ZNF385D: variants seen among roughly 807,000 people sequenced by gnomAD.
ZNF385D encodes zinc finger protein 385D.
ZNF385D carries 15 observed loss-of-function variants against 35.8 expected under a neutral mutation model. The observed-to-expected ratio is 0.42, with a 90% CI of 0.28 to 0.64. ZNF385D has a LOEUF of 0.64. Among genes scored for constraint, ZNF385D ranks in the 30% least tolerant of loss-of-function variants. The pLI is 0.23. For synonymous variants in ZNF385D, 212 were observed against 186.8 expected, an observed-to-expected ratio of 1.13 and a Z score of -1.10; for missense variants, 474 against 494.6, an observed-to-expected ratio of 0.96 and a Z score of 0.39.
chr3:21,815,547 A>T (rs951928728), intron 3 of ZNF385D, among the ~76,000 whole-genome samples: 38 of 152,328 alleles, frequency 2.5e-4, no homozygotes, highest in Admixed American at 2.4e-3. Context: ...GAATACTATA[A>T]ACACCTCTCC....
intron 2 of ZNF385D, among the ~76,000 whole-genome samples, chr3:22,323,555 A>C (rs1175602603): frequency 6.6e-6 from 1 of 152,224 alleles, no homozygotes. Context: ...GAAAGGCTAA[A>C]GGGGAATTTA....
At chr3:21,610,715 C>T (rs2125788297) in intron 2 of ZNF385D, among the ~76,000 whole-genome samples, 1 of 151,518 alleles carries the variant, frequency 6.6e-6, no homozygotes, top group East Asian at 2.0e-4. Context: ...GCGGGGCTTG[C>T]AGTGAGCCGA....
chr3:21,665,055 A>G (rs2066363215), intron 1 of ZNF385D, 27 bp from the exon 2 acceptor site: 1 of 1,561,430 alleles, frequency 6.4e-7, no homozygotes, highest in South Asian at 1.2e-5. Context: ...AAAGGGAGCA[A>G]TCAGGGACAC....
chr3:22,260,885 T>G (rs1241649268), intron 2 of ZNF385D, among the ~76,000 whole-genome samples: 1 of 152,070 alleles, frequency 6.6e-6, no homozygotes, highest in Admixed American at 6.6e-5. Flanking sequence ...TGGTAACAGT[T>G]TTAGTAGAAC....
At chr3:21,621,855 C>T (rs1159558683) in intron 2 of ZNF385D, among the ~76,000 whole-genome samples, 1 of 131,836 alleles carries the variant, frequency 7.6e-6, no homozygotes, top group Non-Finnish European at 1.6e-5. Context: ...TTCCTTCCAA[C>T]CTGTTACCAC....
At chr3:22,050,797 A>G (rs1359328266) in intron 3 of ZNF385D, among the ~76,000 whole-genome samples, 5 of 152,352 alleles carry the variant, frequency 3.3e-5, no homozygotes, top group African/African-American at 1.2e-4. Flanking sequence ...AAACTAAACA[A>G]TCAAAAATAA....
At chr3:22,167,008 T>A (rs1428114806) in intron 3 of ZNF385D, among the ~76,000 whole-genome samples, 1 of 152,238 alleles carries the variant, frequency 6.6e-6, no homozygotes, top group Non-Finnish European at 1.5e-5. Flanking sequence ...GAAATATACA[T>A]TTTAAAATCA....
At chr3:22,122,847 A>G (rs1304202919) in intron 3 of ZNF385D, among the ~76,000 whole-genome samples, 1 of 152,210 alleles carries the variant, frequency 6.6e-6, no homozygotes, top group Non-Finnish European at 1.5e-5. Flanking sequence ...GCCCTGATGT[A>G]GAAATCAAGC....
rs559161479 is a variant in ZNF385D, at chr3:22,017,823, T to C, written c.325+150994A>G. On this transcript the variant is annotated intron_variant, in intron 3 of 5. Transcript: ENST00000494108. ...ATTATTTTATATTTTAAGCTGTCTATACATATTTGGATCTATTAATATGTT... is the reference window on the plus strand; with the variant it reads ...ATTATTTTATATTTTAAGCTGTCTACACATATTTGGATCTATTAATATGTT... 1.2e-4 allele frequency among the ~76,000 whole-genome samples: 18 copies of C among 152,096 alleles called. No individual in the cohort carries two copies. The South Asian group carries it at 1.7e-3, about 14-fold the overall frequency.
intron 3 of ZNF385D, among the ~76,000 whole-genome samples, chr3:21,962,342 G>T (rs1166241556): frequency 6.6e-6 from 1 of 152,036 alleles, no homozygotes; most frequent in Non-Finnish European, 1.5e-5. Flanking sequence ...GAAACAACAG[G>T]GGATGGCAGA....
chr3:22,352,821 G>A (rs1162290122), intron 2 of ZNF385D, among the ~76,000 whole-genome samples: 1 of 152,098 alleles, frequency 6.6e-6, no homozygotes, highest in East Asian at 1.9e-4. Context: ...TTAGATAGCA[G>A]GTTCCTATCA....
Position 21,608,012 on chromosome 3 carries a change from C to CTTCTTTTT in ZNF385D, c.166-43329_166-43328insAAAAAGAA, listed in dbSNP as rs2064536095. Among the ~76,000 whole-genome samples the CTTCTTTTT allele has an allele frequency of 1.6e-4, 20 of 123,972 alleles. 1 individual carries two copies. Among genetic ancestry groups the CTTCTTTTT allele is most frequent in the African/African-American group, 5.6e-4 (18 of 32,004 alleles). 81.3% of individuals were successfully genotyped at this position (123,972 alleles called of 152,430 possible). A position where few individuals can be genotyped will look rare whatever the true frequency, so the allele number is the denominator to read the frequency against. ...ATGAAAAGATGTAATTCTTTTTCTT[C>CTTCTTTTT]TTTTTTTTTTGTTTTTTTTTTTTGA... is the stretch of plus-strand genomic sequence containing the variant. On this transcript the variant is annotated intron_variant, in intron 2 of 7. Transcript: ENST00000281523.
At chr3:21,483,028 T>G (rs543287377) in intron 4 of ZNF385D, among the ~76,000 whole-genome samples, 1 of 152,304 alleles carries the variant, frequency 6.6e-6, no homozygotes, top group South Asian at 2.1e-4. Context: ...ACATGTAATC[T>G]TGTTTAAATA....
At chr3:22,351,685 G>A (rs1212334233) in intron 2 of ZNF385D, among the ~76,000 whole-genome samples, 1 of 152,084 alleles carries the variant, frequency 6.6e-6, no homozygotes, top group Non-Finnish European at 1.5e-5. Flanking sequence ...GGTAGTTTGA[G>A]ACTAAATAAA....
intron 3 of ZNF385D, among the ~76,000 whole-genome samples, chr3:21,923,838 G>C (rs1700594056): frequency 6.6e-6 from 1 of 152,090 alleles, no homozygotes; most frequent in Non-Finnish European, 1.5e-5. Context: ...CTACTAGAAG[G>C]GGGAGGGAGG....
intron 1 of ZNF385D, among the ~76,000 whole-genome samples, chr3:21,702,389 G>A (rs186378778): frequency 1.6e-4 from 24 of 152,292 alleles, no homozygotes; most frequent in Admixed American, 8.5e-4. Flanking sequence ...TCCCTAGGGT[G>A]CCACAGCACG....
chr3:22,202,450 A>G (rs57024383), intron 2 of ZNF385D, among the ~76,000 whole-genome samples: 1 of 152,196 alleles, frequency 6.6e-6, no homozygotes, highest in East Asian at 1.9e-4. Flanking sequence ...GAGTAACAAC[A>G]GGGTGGGTGC....
At chr3:21,979,287 T>C (rs1694264990) in intron 3 of ZNF385D, among the ~76,000 whole-genome samples, 1 of 152,210 alleles carries the variant, frequency 6.6e-6, no homozygotes, top group African/African-American at 2.4e-5. Context: ...TGTGCTATTA[T>C]ATTATGTATA....
chr3:22,305,894 TCAAA>T (rs543033606), intron 2 of ZNF385D, among the ~76,000 whole-genome samples: 6 of 152,204 alleles, frequency 3.9e-5, no homozygotes, highest in Non-Finnish European at 7.3e-5. Flanking sequence ...AGGGAAATTG[TCAAA>T]CAGTTTCTAA....
Sources: gnomAD v4.1 joint callset for allele counts (sites outside exome capture counted in the v4.1 genomes callset) on GRCh38, gnomAD v4.1.1 for gene constraint, MANE v1.5 for transcripts, NCBI Gene and HGNC (gene_info 2026-07-23, HGNC 2026-07-21) for gene names.